AFAP1: variants seen among roughly 807,000 people sequenced by gnomAD.
AFAP1 encodes actin filament associated protein 1.
In AFAP1, 75 loss-of-function variants were observed where a neutral mutation model predicts 93.9. That is an observed-to-expected ratio of 0.80 (90% CI 0.66 to 0.97). The LOEUF (loss-of-function observed/expected upper bound fraction) is 0.97. AFAP1 is among the 50% of genes least tolerant of loss of function. AFAP1 has a pLI of 0.00. For missense variants in AFAP1, 1,201 were observed against 1,050.8 expected, an observed-to-expected ratio of 1.14 and a Z score of -1.98; for synonymous variants, 517 against 430.7, an observed-to-expected ratio of 1.20 and a Z score of -2.48.
intron 13 of AFAP1, among the ~76,000 whole-genome samples, chr4:7,779,488 G>T (rs1324678579): frequency 6.6e-6 from 1 of 152,218 alleles, no homozygotes; most frequent in Non-Finnish European, 1.5e-5. Context: ...GACTGATACA[G>T]GCCAACACGT....
intron 9 of AFAP1, among the ~76,000 whole-genome samples, chr4:7,809,052 GTTTTGT>G (rs1348140794): frequency 1.0e-5 from 1 of 99,088 alleles, no homozygotes; most frequent in Non-Finnish European, 1.7e-5. Flanking sequence ...AGGAAGCTTA[GTTTTGT>G]TTTTGTTTTT....
At chr4:7,937,550 T>TG (rs1394352699) in intron 1 of AFAP1, among the ~76,000 whole-genome samples, 2 of 152,044 alleles carry the variant, frequency 1.3e-5, no homozygotes, top group Non-Finnish European at 2.9e-5. Flanking sequence ...GCAGTGGAGT[T>TG]ATTTCAACTC....
intron 6 of AFAP1, among the ~76,000 whole-genome samples, chr4:7,834,422 CT>C (rs1323045765): frequency 2.0e-5 from 3 of 152,212 alleles, no homozygotes; most frequent in Admixed American, 6.5e-5. Context: ...TACTGCTTCG[CT>C]GTTGGGTGCA....
At chr4:7,853,692 C>T (rs181665847) in intron 4 of AFAP1, among the ~76,000 whole-genome samples, 8 of 152,322 alleles carry the variant, frequency 5.3e-5, no homozygotes, top group East Asian at 3.9e-4. Flanking sequence ...CCATAACCCA[C>T]GCAGGTTTCA....
intron 9 of AFAP1, 48 bp from the exon 10 acceptor site, chr4:7,800,701 C>A: frequency 1.2e-6 from 2 of 1,601,196 alleles, no homozygotes; most frequent in Non-Finnish European, 1.7e-6. Context: ...CAAGACCAGG[C>A]GAGGTGAAGA....
rs756961714 is a variant in AFAP1 at position 7,834,128 on chromosome 4, C to CACACAT, written c.726+4395_726+4396insATGTGT. Among the ~76,000 whole-genome samples the CACACAT allele has an allele frequency of 1.7e-3, 208 of 119,474 alleles. 4 individuals are homozygous for CACACAT. The highest frequency in any genetic ancestry group is 7.2e-3 in the African/African-American group (183 of 25,514). 78.4% of individuals were successfully genotyped at this position (119,474 alleles called of 152,430 possible). On this transcript the variant is annotated intron_variant, in intron 6 of 17. Coordinates refer to ENST00000420658, the MANE Select transcript of AFAP1 (RefSeq NM_001134647.2). ...ACACACACACACACACACACACACA[C>CACACAT]ATATATACAATGGAATACTACTCAG...
At chr4:7,792,152 T>C (rs1717918017) in intron 11 of AFAP1, among the ~76,000 whole-genome samples, 1 of 152,198 alleles carries the variant, frequency 6.6e-6, no homozygotes, top group African/African-American at 2.4e-5. Context: ...TTCTGAGCTG[T>C]AGTGACACTT....
chr4:7,902,275 T>C (rs758697110), intron 1 of AFAP1, among the ~76,000 whole-genome samples: 1 of 152,176 alleles, frequency 6.6e-6, no homozygotes, highest in African/African-American at 2.4e-5. Flanking sequence ...TGACCAAGCA[T>C]CTGAACGCTT....
intron 14 of AFAP1, chr4:7,775,294 A>T (rs2148968460): frequency 6.3e-6 from 1 of 159,354 alleles, no homozygotes; most frequent in Admixed American, 6.4e-5. Context: ...ACTAGTTCAA[A>T]TTCTCCAATA....
chr4:7,788,065 G>A (rs961816183), intron 11 of AFAP1, among the ~76,000 whole-genome samples: 1 of 152,218 alleles, frequency 6.6e-6, no homozygotes, highest in Non-Finnish European at 1.5e-5. Context: ...CCCACTGGAG[G>A]GTCGGCCTCA....
intron 1 of AFAP1, among the ~76,000 whole-genome samples, chr4:7,900,133 T>TA (rs1183750265): frequency 6.6e-6 from 1 of 152,188 alleles, no homozygotes; most frequent in African/African-American, 2.4e-5. Context: ...CCTGACTTAT[T>TA]AGAGCCTGCA....
intron 6 of AFAP1, among the ~76,000 whole-genome samples, chr4:7,824,749 T>C (rs1397278024): frequency 6.6e-6 from 1 of 151,950 alleles, no homozygotes; most frequent in African/African-American, 2.4e-5. Flanking sequence ...CCGGGAAGGC[T>C]GAGGGAACGG....
intron 6 of AFAP1, among the ~76,000 whole-genome samples, chr4:7,822,734 G>A (rs1288940471): frequency 1.3e-5 from 2 of 149,392 alleles, no homozygotes; most frequent in African/African-American, 2.5e-5. Flanking sequence ...ATAGGCGCCC[G>A]CCACTGCGCC....
chr4:7,818,970 T>C (rs1159177084), intron 7 of AFAP1, 106 bp downstream of exon 7: 2 of 1,117,848 alleles, frequency 1.8e-6, no homozygotes, highest in Non-Finnish European at 2.5e-6. Flanking sequence ...CTTTTTCTTT[T>C]TTAACTGGAA....
At chr4:7,772,606 T>C (rs1203688417) in intron 16 of AFAP1, 2 of 562,292 alleles carry the variant, frequency 3.6e-6, no homozygotes, top group Non-Finnish European at 3.1e-6. Context: ...CCACAGCTTT[T>C]AACATTTCAG....
chr4:7,770,884 G>A (rs1443939739), intron 16 of AFAP1, among the ~76,000 whole-genome samples: 2 of 152,174 alleles, frequency 1.3e-5, no homozygotes, highest in Non-Finnish European at 2.9e-5. Flanking sequence ...GAGGGGCACA[G>A]GGCTCCATGA....
At chr4:7,931,580 G>T (rs960304739) in intron 1 of AFAP1, among the ~76,000 whole-genome samples, 1 of 149,442 alleles carries the variant, frequency 6.7e-6, no homozygotes, top group African/African-American at 2.5e-5. Flanking sequence ...TGGAGGTCTC[G>T]CTATGTTGCC....
intron 8 of AFAP1, among the ~76,000 whole-genome samples, chr4:7,813,139 A>G (rs1720194892): frequency 6.6e-6 from 1 of 152,176 alleles, no homozygotes; most frequent in Non-Finnish European, 1.5e-5. Flanking sequence ...CACTAAGAAA[A>G]AGCTGTATGA....
In AFAP1 at chr4:7,916,949, A is replaced by G. The variant is rs1220791596; in HGVS notation, c.-3+22707T>C. Among the ~76,000 whole-genome samples the G allele has an allele frequency of 2.0e-5, 3 of 152,160 alleles. No homozygotes were observed. In the East Asian group the frequency reaches 5.8e-4, roughly 29 times the overall value. On this transcript the variant is annotated intron_variant, in intron 1 of 17. Coordinates refer to ENST00000420658, the MANE Select transcript of AFAP1 (RefSeq NM_001134647.2). The stretch of plus-strand genomic sequence containing the variant: ...ACTGAATGTATTCACTGAATGCACT[A>G]TTTCTTGAAATGATCGTAAATCACC...
Sources: gnomAD v4.1 joint callset for allele counts (sites outside exome capture counted in the v4.1 genomes callset) on GRCh38, gnomAD v4.1.1 for gene constraint, MANE v1.5 for transcripts, NCBI Gene and HGNC (gene_info 2026-07-23, HGNC 2026-07-21) for gene names.